TMEM74B: variants seen among roughly 807,000 people sequenced by gnomAD.
TMEM74B encodes the protein transmembrane protein 74B.
Under a neutral mutation model 6.5 loss-of-function variants are expected in TMEM74B, and 7 were observed. That is an observed-to-expected ratio of 1.07 (90% confidence interval 0.61 to 2.01). TMEM74B has a LOEUF of 2.01. Among genes scored for constraint, TMEM74B ranks in the 30% most tolerant of loss-of-function variants. The pLI, the probability that TMEM74B is intolerant of heterozygous loss-of-function variation, is 0.00. For synonymous variants in TMEM74B, 151 were observed against 151.6 expected, an observed-to-expected ratio of 1.00 and a Z score of 0.03; for missense variants, 342 against 337.0, an observed-to-expected ratio of 1.01 and a Z score of -0.12.
At chr20:1,185,747 C>T (rs1020822624), upstream of TMEM74B, among the ~76,000 whole-genome samples, 6 of 152,048 alleles carry the variant, frequency 3.9e-5, no homozygotes, top group Admixed American at 3.9e-4. Flanking sequence ...CTCCCCACCA[C>T]CGGAGAGCCC....
chr20:1,186,059 A>C (rs893352378), upstream of TMEM74B: 2 of 151,914 alleles, frequency 1.3e-5, no homozygotes, highest in African/African-American at 4.8e-5. Context: ...ATGGCCAAAC[A>C]CACCCTCACC....
At chr20:1,182,961 C>A (rs6040361) in intron 2 of TMEM74B, among the ~76,000 whole-genome samples, 4,491 of 152,304 alleles carry the variant, frequency 0.029, 217 homozygotes, top group African/African-American at 0.098. Flanking sequence ...CTTAGGCCCC[C>A]GTTCCCTTGT....
rs775606364 is a variant in TMEM74B, at chr20:1,180,812, CT to C, written c.*35del. On this transcript the variant is annotated 3_prime_UTR_variant, in exon 3 of 3. Transcript: ENST00000429036. The surrounding 1 kb of genome is among the most constrained non-coding windows in gnomAD (Gnocchi z 6.1). ...GGAGCAGGGGGTGGACCTTGTAGCA[CT>C]GGAGCTAAAGCAGCCAGATAAGGTG... 4 of 1,533,814 alleles carry C rather than the reference CT, an allele frequency of 2.6e-6. No homozygotes were observed. Among genetic ancestry groups the C allele is most frequent in the Non-Finnish European group, 3.5e-6 (4 of 1,139,106 alleles).
upstream of TMEM74B, among the ~76,000 whole-genome samples, chr20:1,187,224 C>G (rs1031569172): frequency 4.6e-5 from 7 of 152,196 alleles, no homozygotes; most frequent in African/African-American, 1.4e-4. Flanking sequence ...CTCCCTCACT[C>G]TGAATTTTTC....
At position 1,181,527 on chromosome 20, in the gene TMEM74B, AGACCAGGGG is replaced by A; in HGVS notation, c.83_91del (p.Pro28_Gly30del). On this transcript the variant is annotated inframe_deletion, in exon 3 of 3. Transcript: ENST00000429036. The surrounding 1 kb of genome is among the most constrained non-coding windows in gnomAD (Gnocchi z 4.9). ...ACCATTGCTCAGTGTCTTCAGTTCC[AGACCAGGGG>A]GAGATGCCATTGGGAAGGAGGGCCC... The A allele has an allele frequency of 6.7e-7, 1 of 1,490,354 alleles. No homozygotes were observed. The highest frequency in any genetic ancestry group is 1.4e-5 in the South Asian group (1 of 70,318). The allele number at this position is 1,490,354 out of a possible 1,614,324, so 92.3% of individuals were successfully genotyped here.
At position 1,181,702 on chromosome 20, in the gene TMEM74B, T is replaced by G; in HGVS notation, c.32-115A>C. 1 of 1,209,230 alleles carries G rather than the reference T, an allele frequency of 8.3e-7. No homozygotes were observed. Among genetic ancestry groups the G allele is most frequent in the South Asian group, 2.7e-5 (1 of 37,170 alleles). 74.9% of individuals were successfully genotyped at this position (1,209,230 alleles called of 1,614,324 possible). A position where few individuals can be genotyped will look rare whatever the true frequency, so the allele number is the denominator to read the frequency against. ...GTCAGGCACAATTCCCACTTGGGGGTGTCTGCCAGACAGAGGGGAAGACAG... is the reference window on the plus strand; with the variant it reads ...GTCAGGCACAATTCCCACTTGGGGGGGTCTGCCAGACAGAGGGGAAGACAG... On this transcript the variant is annotated intron_variant, in intron 2 of 2. Transcript: ENST00000429036. The surrounding 1 kb of genome is among the most constrained non-coding windows in gnomAD (Gnocchi z 4.9).
chr20:1,185,038 G>C (rs1482992416), upstream of TMEM74B: 2 of 152,220 alleles, frequency 1.3e-5, no homozygotes, highest in African/African-American at 2.4e-5. Context: ...CATGTCCTTC[G>C]GCGGGCCGCG....
upstream of TMEM74B, among the ~76,000 whole-genome samples, chr20:1,187,391 TG>T (rs1215218461): frequency 1.3e-5 from 2 of 152,198 alleles, no homozygotes; most frequent in African/African-American, 4.8e-5. Flanking sequence ...TCTGGATAAG[TG>T]CTCACTGAAT....
At chr20:1,182,534 C>CAT (rs1344969802) in intron 2 of TMEM74B, among the ~76,000 whole-genome samples, 1 of 151,976 alleles carries the variant, frequency 6.6e-6, no homozygotes, top group Non-Finnish European at 1.5e-5. Flanking sequence ...TTGGGGATGG[C>CAT]ATGGCTAAAA....
At chr20:1,186,762 C>T (rs1339598617), upstream of TMEM74B, among the ~76,000 whole-genome samples, 2 of 152,154 alleles carry the variant, frequency 1.3e-5, no homozygotes, top group African/African-American at 4.8e-5. Context: ...CATAGCCTAG[C>T]CCTAGGCAGG....
At position 1,181,254 on chromosome 20, in the gene TMEM74B, C is replaced by G; in HGVS notation, c.365G>C (p.Gly122Ala). 1 of 1,614,010 alleles carries G rather than the reference C, an allele frequency of 6.2e-7. No individual in the cohort carries two copies. Among genetic ancestry groups the G allele is most frequent in the Non-Finnish European group, 8.5e-7 (1 of 1,179,962 alleles). Residue 122 changes from glycine (G) to alanine (A), a missense_variant, in exon 3 of 3, where the codon GGC becomes GCC. Coordinates refer to ENST00000429036, the MANE Select transcript of TMEM74B (RefSeq NM_001304748.2). This position sits in a 1 kb window ranked among gnomAD's most constrained non-coding sequence, Gnocchi z 4.9. ...CAGGAAAACGAGGGCGGAAACAAAGCCATAATCCACCGGGCGGCTCACGGG... is the reference window on the plus strand; with the variant it reads ...CAGGAAAACGAGGGCGGAAACAAAGGCATAATCCACCGGGCGGCTCACGGG... ...LEPVSRPVDY[G>A]FVSALVFLVS... is the part of the protein sequence containing the mutation.
chr20:1,186,390 G>A (rs983551190), upstream of TMEM74B: 1 of 152,206 alleles, frequency 6.6e-6, no homozygotes, highest in Non-Finnish European at 1.5e-5. Context: ...CAAATTCATG[G>A]AGACGTTTCC....
chr20:1,183,900 TAA>T lies in TMEM74B; in HGVS notation c.-101_-100del, dbSNP rs1272821953. The T allele has an allele frequency of 7.0e-7, 1 of 1,429,382 alleles. No individual in the cohort carries two copies. The highest frequency in any genetic ancestry group is 1.4e-5 in the African/African-American group (1 of 70,676). The allele number at this position is 1,429,382 out of a possible 1,614,324, so 88.5% of individuals were successfully genotyped here. On this transcript the variant is annotated 5_prime_UTR_variant, in exon 2 of 3. The change abolishes the stop of an existing upstream ORF in the 5' untranslated region. Coordinates refer to ENST00000429036, the MANE Select transcript of TMEM74B (RefSeq NM_001304748.2). ...ACCGTGAGCACCTTGAGAGCAGGCA[TAA>T]GTTTGAATTCCATCTGGGTCCCCAG...
chr20:1,189,076 C>T (rs1477523741), upstream of TMEM74B: 1 of 152,202 alleles, frequency 6.6e-6, no homozygotes, highest in Non-Finnish European at 1.5e-5. This position sits in a 1 kb window ranked among gnomAD's most constrained non-coding sequence, Gnocchi z 4.5. Flanking sequence ...TGAAAGTCAA[C>T]TCCAACAGTC....
In TMEM74B at chr20:1,181,362, C is replaced by G. The variant is rs1311883928; in HGVS notation, c.257G>C (p.Ser86Thr). Residue 86 changes from serine to threonine, a missense_variant, in exon 3 of 3, where the codon AGT (serine) becomes ACT (threonine). Physicochemically the swap from Ser to Thr is moderately conservative, Grantham distance 58. Transcript: ENST00000429036. The surrounding 1 kb of genome is among the most constrained non-coding windows in gnomAD (Gnocchi z 4.9). ...CAGTGAGGAGACACCCCCAGGGGGA[C>G]TGGGTGAGCTGCCCAGTCTCGTGTT... ...PGNTRLGSSP[S>T]PPGGVSSLPR... 1 of 1,556,714 alleles carries G rather than the reference C, an allele frequency of 6.4e-7. No individual in the cohort carries two copies. Among genetic ancestry groups the G allele is most frequent in the Admixed American group, 1.9e-5 (1 of 53,910 alleles).
intron 2 of TMEM74B, 124 bp downstream of exon 2, chr20:1,183,647 G>A (rs1056659376): frequency 3.4e-6 from 4 of 1,185,442 alleles, no homozygotes; most frequent in African/African-American, 3.0e-5. Flanking sequence ...ACCCTCACCA[G>A]CCCCACGATC....
chr20:1,182,696 G>T (rs1297563567), intron 2 of TMEM74B, among the ~76,000 whole-genome samples: 1 of 152,102 alleles, frequency 6.6e-6, no homozygotes. Context: ...GCTGCAAGAG[G>T]AGTTACCCCA....
upstream of TMEM74B, among the ~76,000 whole-genome samples, chr20:1,188,741 G>A (rs1465195295): frequency 6.6e-6 from 1 of 152,118 alleles, no homozygotes; most frequent in Admixed American, 6.5e-5. Flanking sequence ...GGAAAAATTT[G>A]AGTGACAAAA....
chr20:1,186,346 A>C (rs2087020984), upstream of TMEM74B: 1 of 152,164 alleles, frequency 6.6e-6, no homozygotes, highest in African/African-American at 2.4e-5. Context: ...ACAGGGCCGG[A>C]GTTAAGATGA....
Sources: allele counts gnomAD v4.1 joint callset (sites outside exome capture counted in the v4.1 genomes callset), GRCh38; gene constraint gnomAD v4.1.1; non-coding constraint Gnocchi (gnomAD v3.1); transcripts MANE v1.5; gene names NCBI Gene and HGNC (gene_info 2026-07-23, HGNC 2026-07-21).